The following ZC3H3 variants were observed in gnomAD, a reference collection of about 807,000 sequenced individuals.
ZC3H3 encodes zinc finger CCCH domain-containing protein 3.
Under a neutral mutation model 77.3 loss-of-function variants are expected in ZC3H3, and 36 were observed. The ratio of observed to expected loss-of-function variants is 0.47; its 90% CI spans 0.36 to 0.61. The LOEUF is 0.61. ZC3H3 is among the 20% of genes least tolerant of loss of function. The probability of loss-of-function intolerance (pLI) is 0.00; values close to 1 mark genes in which losing one functional copy is unlikely to be tolerated. For missense variants in ZC3H3, 1,331 were observed against 1,312.2 expected (o/e 1.01, Z -0.22); for synonymous variants, 626 against 555.2 (o/e 1.13, Z -1.79).
intron 1 of ZC3H3, 36 bp downstream of exon 1, chr8:143,541,340 G>T (rs531037182): frequency 6.2e-7 from 1 of 1,605,572 alleles, no homozygotes; most frequent in Non-Finnish European, 8.5e-7. Flanking sequence ...GAGGGGGAAA[G>T]AAGGGGACTC....
In ZC3H3 at chr8:143,524,593, G is replaced by T. The variant is rs138078195; in HGVS notation, c.1561+11664C>A. ...TCGCACAGAGGTGGGTCAAGGAAGC[G>T]GCCAACAGCAGCTGGCCCCTGGCCC... On this transcript the variant is annotated intron_variant, in intron 3 of 11. Coordinates refer to ENST00000262577, the MANE Select transcript of ZC3H3 (RefSeq NM_015117.3). Among the ~76,000 whole-genome samples the T allele has an allele frequency of 2.0e-5, 3 of 152,368 alleles. No individual in the cohort carries two copies. In the East Asian group the frequency reaches 5.8e-4, roughly 29 times the overall value.
chr8:143,541,363 C>G lies in ZC3H3; in HGVS notation c.46+13G>C, dbSNP rs528147096. 1 of 1,608,576 alleles carries G rather than the reference C, an allele frequency of 6.2e-7. No homozygotes were observed. The highest frequency in any genetic ancestry group is 8.5e-7 in the Non-Finnish European group (1 of 1,178,338). On this transcript the variant is annotated intron_variant, in intron 1 of 11. Coordinates refer to ENST00000262577, the MANE Select transcript of ZC3H3 (RefSeq NM_015117.3). ...AAGAAGGGGACTCGCGTCCCGGCCC[C>G]GGCCGGACCTACCCTGCAGTAGGCG... is the stretch of plus-strand genomic sequence containing the variant.
In ZC3H3 at chr8:143,530,697, G is replaced by A. The variant is rs1300230134; in HGVS notation, c.1561+5560C>T. The stretch of plus-strand genomic sequence containing the variant: ...CCACGAAGCTGGCCCCACTTCCCCC[G>A]CACCACAGTGAGAGCCTGGCCACAG... On this transcript the variant is annotated intron_variant, in intron 3 of 11. Coordinates refer to ENST00000262577, the MANE Select transcript of ZC3H3 (RefSeq NM_015117.3). This position sits in a 1 kb window ranked among gnomAD's most constrained non-coding sequence, Gnocchi z 4.3. Among the ~76,000 whole-genome samples the A allele has an allele frequency of 6.6e-6, 1 of 152,146 alleles. No homozygotes were observed. The highest frequency in any genetic ancestry group is 1.5e-5 in the Non-Finnish European group (1 of 68,016).
chr8:143,478,464 C>T (rs1820808017), intron 4 of ZC3H3, among the ~76,000 whole-genome samples: 1 of 152,304 alleles, frequency 6.6e-6, no homozygotes, highest in East Asian at 1.9e-4. Context: ...TGTTTCAGGA[C>T]CTCGGCCTGG....
intron 4 of ZC3H3, chr8:143,484,981 C>G: frequency 4.8e-6 from 2 of 418,412 alleles, no homozygotes; most frequent in Non-Finnish European, 4.8e-6. Flanking sequence ...CAATAAAAAC[C>G]CACTCACTTC....
At chr8:143,468,158 G>T in intron 8 of ZC3H3, 51 bp downstream of exon 8, 3 of 1,582,364 alleles carry the variant, frequency 1.9e-6, no homozygotes, top group Non-Finnish European at 2.6e-6. Context: ...CCAGGTGGCT[G>T]AGGCCCCGGA....
At chr8:143,507,576 G>A (rs541535526) in intron 4 of ZC3H3, among the ~76,000 whole-genome samples, 170 bp downstream of exon 4, 2 of 152,384 alleles carry the variant, frequency 1.3e-5, no homozygotes, top group South Asian at 4.1e-4. Context: ...TGCAGAAATT[G>A]CTAAAGACAC....
chr8:143,500,073 G>T (rs1371678513), intron 4 of ZC3H3, among the ~76,000 whole-genome samples: 1 of 152,154 alleles, frequency 6.6e-6, no homozygotes, highest in Non-Finnish European at 1.5e-5. Flanking sequence ...TCGTGGTATG[G>T]CCATGCTGGC....
chr8:143,474,052 C>T (rs1171767391), intron 5 of ZC3H3, among the ~76,000 whole-genome samples: 1 of 152,194 alleles, frequency 6.6e-6, no homozygotes, highest in African/African-American at 2.4e-5. Context: ...ACGGCAGCAT[C>T]CCCCAGGGGC....
At chr8:143,520,130 G>C (rs950270518) in intron 3 of ZC3H3, among the ~76,000 whole-genome samples, 1 of 152,206 alleles carries the variant, frequency 6.6e-6, no homozygotes, top group Admixed American at 6.5e-5. Flanking sequence ...CCAGAGCTCT[G>C]CAGGGCAGCC....
intron 4 of ZC3H3, among the ~76,000 whole-genome samples, chr8:143,498,763 G>A (rs1455976704): frequency 7.3e-6 from 1 of 136,330 alleles, no homozygotes; most frequent in Non-Finnish European, 1.6e-5. Context: ...ACAGGGCGGG[G>A]CGGAGGGGCA....
At chr8:143,531,970 C>T (rs4394410) in intron 3 of ZC3H3, among the ~76,000 whole-genome samples, 152,166 of 152,400 alleles carry the variant, frequency 1, 75,966 homozygotes, top group East Asian at 1. Flanking sequence ...TTGATTGTGA[C>T]GGAATTTCTA....
intron 4 of ZC3H3, among the ~76,000 whole-genome samples, chr8:143,477,116 G>A (rs1280728257): frequency 6.6e-6 from 1 of 152,192 alleles, no homozygotes; most frequent in Non-Finnish European, 1.5e-5. Context: ...ACCCCTCCGG[G>A]CCTTGGTCCC....
In ZC3H3 at chr8:143,440,319, G is replaced by A. The variant is rs759555801; in HGVS notation, c.2537C>T (p.Ser846Leu). The A allele has an allele frequency of 2.8e-5, 43 of 1,550,056 alleles. No homozygotes were observed. The highest frequency in any genetic ancestry group is 1.5e-4 in the African/African-American group (11 of 73,790). The change falls in exon 11 of 12, where the codon TCG becomes TTG. Residue 846 changes from serine (S) to leucine (L), a missense_variant. Around this residue, in one of 3 missense-constraint regions of ZC3H3, gnomAD observed 249 missense variants for 236.9 expected, o/e 1.05. Coordinates refer to ENST00000262577, the MANE Select transcript of ZC3H3 (RefSeq NM_015117.3). ...SQRPTRQTPS[S>L]AALTAAAVAA... is the part of the protein sequence containing the mutation. The stretch of plus-strand genomic sequence containing the variant: ...CACGGCAGCCGCAGTGAGGGCAGCC[G>A]AGCTGGGCGTCTGCCTGGTGGGGCG...
At position 143,438,018 on chromosome 8, in the gene ZC3H3, G is replaced by C; in HGVS notation, c.*38C>G. On this transcript the variant is annotated 3_prime_UTR_variant, in exon 12 of 12. Transcript: ENST00000262577. ...CAGAGCCTCTTTCCTCTCCAAGGAT[G>C]AGGGTCTGAGGTAGGTGCAGGCCGG... 1.2e-6 allele frequency: 2 copies of C among 1,602,646 alleles called. No homozygotes were observed. Among genetic ancestry groups the C allele is most frequent in the Non-Finnish European group, 1.7e-6 (2 of 1,174,872 alleles).
At position 143,494,626 on chromosome 8, in the gene ZC3H3, G is replaced by C. The variant is rs1443215206; in HGVS notation, c.1715+13120C>G. 6.6e-6 allele frequency among the ~76,000 whole-genome samples: 1 copy of C among 152,206 alleles called. No homozygotes were observed. The highest frequency in any genetic ancestry group is 1.5e-5 in the Non-Finnish European group (1 of 68,038). ...GGGACAGGAGGGAAGCGGCAGGTCG[G>C]GGGAGGGGGGTGCTGTGGGCAGACA... On this transcript the variant is annotated intron_variant, in intron 4 of 11. Coordinates refer to ENST00000262577, the MANE Select transcript of ZC3H3 (RefSeq NM_015117.3). This position sits in a 1 kb window ranked among gnomAD's most constrained non-coding sequence, Gnocchi z 5.3.
intron 9 of ZC3H3, among the ~76,000 whole-genome samples, chr8:143,454,175 G>A (rs554488852): frequency 4.0e-5 from 6 of 150,106 alleles, no homozygotes; most frequent in East Asian, 3.9e-4. Flanking sequence ...TCCATCTCCC[G>A]GGTTCAAGCA....
At chr8:143,535,669 G>A (rs574400402) in intron 3 of ZC3H3, among the ~76,000 whole-genome samples, 10 of 152,372 alleles carry the variant, frequency 6.6e-5, no homozygotes, top group Admixed American at 2.6e-4. Flanking sequence ...AAGGGGCTAC[G>A]CCCCACAATC....
intron 9 of ZC3H3, among the ~76,000 whole-genome samples, chr8:143,457,367 G>A (rs1446730429): frequency 6.6e-6 from 1 of 152,050 alleles, no homozygotes; most frequent in Non-Finnish European, 1.5e-5. Context: ...CAGATCATAT[G>A]ACTCTTATGC....
Sources: allele counts gnomAD v4.1 joint callset (sites outside exome capture counted in the v4.1 genomes callset), GRCh38; gene constraint gnomAD v4.1.1; regional missense constraint gnomAD v4.1.1; non-coding constraint Gnocchi (gnomAD v3.1); transcripts MANE v1.5; gene names NCBI Gene and HGNC (gene_info 2026-07-23, HGNC 2026-07-21).